Variants in ANKRD55 observed in about 807,000 individuals in gnomAD.
ANKRD55 encodes the protein ankyrin repeat domain-containing protein 55.
A neutral mutation model predicts 60.6 loss-of-function variants in ANKRD55; 41 were observed. The ratio of observed to expected loss-of-function variants is 0.68; its 90% CI spans 0.53 to 0.88. ANKRD55 has a LOEUF of 0.88. ANKRD55 is among the 40% of genes least tolerant of loss of function. The pLI is 0.00. For missense variants in ANKRD55, 732 were observed against 767.6 expected, an observed-to-expected ratio of 0.95 and a Z score of 0.55; for synonymous variants, 264 against 290.3, an observed-to-expected ratio of 0.91 and a Z score of 0.92.
intron 2 of ANKRD55, among the ~76,000 whole-genome samples, chr5:56,221,425 A>G (rs1759963669): frequency 6.6e-6 from 1 of 152,218 alleles, no homozygotes; most frequent in African/African-American, 2.4e-5. Flanking sequence ...TGAGTGACGC[A>G]AAAGACAGGT....
At chr5:56,181,199 T>C (rs1291619412) in intron 3 of ANKRD55, among the ~76,000 whole-genome samples, 3 of 152,178 alleles carry the variant, frequency 2.0e-5, no homozygotes, top group Non-Finnish European at 4.4e-5. Context: ...TGTATGCTTT[T>C]TATTTCCTTT....
chr5:56,134,749 C>T (rs1475563587), intron 7 of ANKRD55, among the ~76,000 whole-genome samples: 3 of 152,030 alleles, frequency 2.0e-5, no homozygotes, highest in Non-Finnish European at 4.4e-5. Flanking sequence ...CTTCCTAACT[C>T]ATTCTATCAG....
At chr5:56,110,874 G>A (rs1756668958) in intron 10 of ANKRD55, among the ~76,000 whole-genome samples, 1 of 152,188 alleles carries the variant, frequency 6.6e-6, no homozygotes, top group Admixed American at 6.5e-5. Context: ...ACACATATTT[G>A]CTGGGGAGAT....
At chr5:56,186,383 G>A (rs1457262671) in intron 2 of ANKRD55, among the ~76,000 whole-genome samples, 2 of 152,142 alleles carry the variant, frequency 1.3e-5, no homozygotes, top group African/African-American at 2.4e-5. Context: ...GCCCAGGCTG[G>A]TCTCTAATGA....
chr5:56,225,258 A>G (rs995837980), intron 2 of ANKRD55, among the ~76,000 whole-genome samples: 14 of 152,232 alleles, frequency 9.2e-5, no homozygotes, highest in African/African-American at 3.4e-4. Flanking sequence ...ATAGATGCAG[A>G]AAAGGCTTTC....
chr5:56,103,147 A>C (rs1282182112), intron 10 of ANKRD55, among the ~76,000 whole-genome samples: 1 of 152,200 alleles, frequency 6.6e-6, no homozygotes, highest in Non-Finnish European at 1.5e-5. Context: ...ATTGACCTGG[A>C]AGACGGAATG....
chr5:56,172,669 T>A (rs1171519648), intron 4 of ANKRD55, among the ~76,000 whole-genome samples: 1 of 152,128 alleles, frequency 6.6e-6, no homozygotes. Context: ...AACAAATGAG[T>A]TTGATACCTA....
intron 3 of ANKRD55, among the ~76,000 whole-genome samples, chr5:56,182,339 T>G (rs1257002159): frequency 2.0e-5 from 3 of 152,248 alleles, no homozygotes; most frequent in East Asian, 3.8e-4. Context: ...AGTTCATTAC[T>G]TCTTTCCTTT....
intron 2 of ANKRD55, among the ~76,000 whole-genome samples, chr5:56,222,524 G>A (rs890296276): frequency 4.6e-5 from 7 of 152,326 alleles, no homozygotes; most frequent in African/African-American, 1.7e-4. Flanking sequence ...AGAGAAAAAG[G>A]CTTCAGAAGA....
intron 7 of ANKRD55, chr5:56,136,996 T>C (rs906756953): frequency 1.5e-6 from 1 of 661,696 alleles, no homozygotes; most frequent in African/African-American, 1.8e-5. Context: ...GCTCTTCACT[T>C]GACCCAGAGA....
At chr5:56,125,733 G>A (rs1400605130) in intron 8 of ANKRD55, 2 of 152,130 alleles carry the variant, frequency 1.3e-5, no homozygotes, top group Non-Finnish European at 2.9e-5. Flanking sequence ...CCCCTGCGCA[G>A]GGATGACACA....
intron 9 of ANKRD55, among the ~76,000 whole-genome samples, chr5:56,112,318 G>A (rs1201354582): frequency 6.6e-6 from 1 of 151,780 alleles, no homozygotes; most frequent in Non-Finnish European, 1.5e-5. Context: ...ATCCCCCTCA[G>A]AGACCCCTCC....
intron 6 of ANKRD55, among the ~76,000 whole-genome samples, chr5:56,157,866 T>A (rs1448794732): frequency 6.6e-6 from 1 of 150,884 alleles, no homozygotes; most frequent in African/African-American, 2.5e-5. Flanking sequence ...GGCCCACTTT[T>A]CTTCTTCTAT....
rs568731091 is a variant in ANKRD55, at chr5:56,204,353, G to T, written c.59-20719C>A. Among the ~76,000 whole-genome samples the T allele has an allele frequency of 2.4e-3, 366 of 152,198 alleles. 2 individuals carry two copies. The highest frequency in any genetic ancestry group is 8.0e-3 in the African/African-American group (334 of 41,542). On this transcript the variant is annotated intron_variant, in intron 2 of 11. Coordinates refer to ENST00000341048, the MANE Select transcript of ANKRD55 (RefSeq NM_024669.3). ...AATTAGATCCCATTTGTCAATTTTG[G>T]CTTTTGTTGCCATAGCTTTTGGTGT...
chr5:56,118,754 A>G (rs1357984785), intron 8 of ANKRD55, among the ~76,000 whole-genome samples: 2 of 152,234 alleles, frequency 1.3e-5, no homozygotes, highest in African/African-American at 4.8e-5. Flanking sequence ...CAAAGAAGAT[A>G]TATGGATGGT....
intron 2 of ANKRD55, among the ~76,000 whole-genome samples, chr5:56,225,115 C>T (rs983271249): frequency 6.6e-6 from 1 of 152,158 alleles, no homozygotes; most frequent in East Asian, 1.9e-4. Flanking sequence ...CCCAGCAGCA[C>T]ATCAAAAAGC....
At chr5:56,192,944 G>T in intron 2 of ANKRD55, 1 of 642,872 alleles carries the variant, frequency 1.6e-6, no homozygotes, top group South Asian at 1.8e-5. Flanking sequence ...CCGTGCTGTG[G>T]GATTGAAAAC....
chr5:56,185,608 C>T (rs1338039160), intron 2 of ANKRD55, among the ~76,000 whole-genome samples: 2 of 151,072 alleles, frequency 1.3e-5, no homozygotes, highest in Admixed American at 6.6e-5. Context: ...GTGGAGGTTG[C>T]GGTGAGCCCA....
At chr5:56,231,640 G>A (rs1434236706) in intron 2 of ANKRD55, among the ~76,000 whole-genome samples, 2 of 149,008 alleles carry the variant, frequency 1.3e-5, no homozygotes, top group Non-Finnish European at 3.0e-5. Context: ...GAGCCGGCAC[G>A]TTCTGAAGGC....
Sources: gnomAD v4.1 joint callset for allele counts (sites outside exome capture counted in the v4.1 genomes callset) on GRCh38, gnomAD v4.1.1 for gene constraint, MANE v1.5 for transcripts, NCBI Gene and HGNC (gene_info 2026-07-23, HGNC 2026-07-21) for gene names.